NTRK3: variants seen among roughly 807,000 people sequenced by gnomAD.
The protein encoded by NTRK3 is neurotrophic receptor tyrosine kinase 3.
NTRK3 carries 24 observed loss-of-function variants against 91.7 expected under a neutral mutation model. That is an observed-to-expected ratio of 0.26 (90% confidence interval 0.19 to 0.37). The LOEUF (loss-of-function observed/expected upper bound fraction) is 0.37, where lower values mean the gene tolerates loss of function less well. Among genes scored for constraint, NTRK3 ranks in the 10% least tolerant of loss-of-function variants. The pLI is 1.00. For missense variants in NTRK3, 880 were observed against 1,068.9 expected (o/e 0.82, Z 2.46); for synonymous variants, 483 against 404.0 (o/e 1.20, Z -2.34).
chr15:88,019,680 A>T (rs939862239), intron 14 of NTRK3, among the ~76,000 whole-genome samples: 3 of 152,220 alleles, frequency 2.0e-5, no homozygotes, highest in Non-Finnish European at 4.4e-5. Flanking sequence ...TGATGCCTGG[A>T]TCTGCTGCAA....
chr15:88,146,950 TATG>T (rs2042941866), intron 6 of NTRK3, among the ~76,000 whole-genome samples: 1 of 152,170 alleles, frequency 6.6e-6, no homozygotes, highest in South Asian at 2.1e-4. Context: ...TTATGACTCT[TATG>T]ATGATAAATC....
chr15:88,101,356 G>A (rs535686991), intron 13 of NTRK3, among the ~76,000 whole-genome samples: 2 of 152,328 alleles, frequency 1.3e-5, no homozygotes, highest in East Asian at 3.9e-4. Context: ...TCATTAAAAA[G>A]TCAGGAAACA....
chr15:88,195,413 A>G (rs1255027798), intron 3 of NTRK3, among the ~76,000 whole-genome samples: 1 of 152,236 alleles, frequency 6.6e-6, no homozygotes, highest in African/African-American at 2.4e-5. Context: ...TAAATAAACA[A>G]ATTAATAAAT....
At chr15:88,013,317 A>G (rs2077013032) in intron 14 of NTRK3, among the ~76,000 whole-genome samples, 1 of 152,240 alleles carries the variant, frequency 6.6e-6, no homozygotes, top group African/African-American at 2.4e-5. Context: ...GAACTGTGGA[A>G]AAAAGGAACA....
intron 13 of NTRK3, among the ~76,000 whole-genome samples, chr15:88,116,438 T>TAAA (rs869068486): frequency 8.2e-6 from 1 of 121,450 alleles, no homozygotes; most frequent in African/African-American, 2.9e-5. Flanking sequence ...TACAAAAATT[T>TAAA]AAAAAAAAAA....
At chr15:87,960,990 C>A (rs552592062) in intron 14 of NTRK3, among the ~76,000 whole-genome samples, 1 of 152,300 alleles carries the variant, frequency 6.6e-6, no homozygotes, top group South Asian at 2.1e-4. Context: ...TCACAGTGAT[C>A]TCTGATGCCC....
intron 14 of NTRK3, among the ~76,000 whole-genome samples, chr15:88,010,296 T>G (rs971875715): frequency 5.3e-5 from 8 of 152,192 alleles, no homozygotes; most frequent in Admixed American, 5.2e-4. Context: ...TGCTTTTCTT[T>G]TCTTTCTCTA....
intron 6 of NTRK3, among the ~76,000 whole-genome samples, chr15:88,138,292 C>T (rs1347661906): frequency 6.6e-6 from 1 of 151,948 alleles, no homozygotes; most frequent in Non-Finnish European, 1.5e-5. Context: ...CACCTGCAGT[C>T]CCAGCTACTC....
intron 14 of NTRK3, among the ~76,000 whole-genome samples, chr15:88,019,433 G>A (rs1365349538): frequency 6.6e-6 from 1 of 152,226 alleles, no homozygotes; most frequent in Non-Finnish European, 1.5e-5. Context: ...GCAACCATAT[G>A]CCTCAGGGAA....
At chr15:87,895,009 T>G (rs1233752361) in intron 17 of NTRK3, among the ~76,000 whole-genome samples, 1 of 152,074 alleles carries the variant, frequency 6.6e-6, no homozygotes, top group Non-Finnish European at 1.5e-5. Context: ...TTTGTGGGGG[T>G]GGGGAGCAGC....
At chr15:87,884,956 A>C (rs1194826714) in intron 17 of NTRK3, among the ~76,000 whole-genome samples, 2 of 151,912 alleles carry the variant, frequency 1.3e-5, no homozygotes, top group African/African-American at 4.8e-5. Flanking sequence ...TTTTTAAATG[A>C]GGTAGAAATA....
At chr15:88,102,286 T>C (rs1041401531) in intron 13 of NTRK3, among the ~76,000 whole-genome samples, 3 of 152,198 alleles carry the variant, frequency 2.0e-5, no homozygotes, top group Admixed American at 6.5e-5. Flanking sequence ...AATTGCTAGA[T>C]TTGAATTAAG....
At chr15:87,957,975 G>A (rs574380852) in intron 14 of NTRK3, among the ~76,000 whole-genome samples, 1 of 152,302 alleles carries the variant, frequency 6.6e-6, no homozygotes, top group South Asian at 2.1e-4. Flanking sequence ...GAACAAAAGG[G>A]AGCCTATAAG....
At chr15:87,900,912 A>G (rs912626634) in intron 17 of NTRK3, among the ~76,000 whole-genome samples, 4 of 152,152 alleles carry the variant, frequency 2.6e-5, no homozygotes, top group African/African-American at 4.8e-5. Context: ...AAAGGGGATG[A>G]TTTGGTCAAG....
At chr15:88,075,122 A>C (rs890432228) in intron 13 of NTRK3, among the ~76,000 whole-genome samples, 1 of 152,154 alleles carries the variant, frequency 6.6e-6, no homozygotes, top group African/African-American at 2.4e-5. Flanking sequence ...TGGAACCTAC[A>C]TGTAAACTGT....
intron 17 of NTRK3, among the ~76,000 whole-genome samples, chr15:87,894,493 G>T (rs2066010427): frequency 6.6e-6 from 1 of 152,188 alleles, no homozygotes; most frequent in Non-Finnish European, 1.5e-5. Context: ...TGTCGGTCCT[G>T]CCCTGATCAT....
intron 14 of NTRK3, among the ~76,000 whole-genome samples, chr15:88,000,948 A>G (rs2076056660): frequency 1.3e-5 from 2 of 152,202 alleles, no homozygotes; most frequent in Admixed American, 6.6e-5. Flanking sequence ...AAGCAGCTGC[A>G]TCATTTTATA....
At chr15:88,160,588 T>G (rs2044358209) in intron 5 of NTRK3, among the ~76,000 whole-genome samples, 1 of 152,170 alleles carries the variant, frequency 6.6e-6, no homozygotes, top group Non-Finnish European at 1.5e-5. Context: ...CTGCCCCACT[T>G]CTAGCAGGGT....
intron 13 of NTRK3, among the ~76,000 whole-genome samples, chr15:88,035,406 T>C (rs553553671): frequency 6.6e-6 from 1 of 152,206 alleles, no homozygotes; most frequent in Non-Finnish European, 1.5e-5. Context: ...CCCTTCTTCC[T>C]GCAACCCTGC....
Sources: allele counts gnomAD v4.1 joint callset (sites outside exome capture counted in the v4.1 genomes callset), GRCh38; gene constraint gnomAD v4.1.1; transcripts MANE v1.5; gene names NCBI Gene and HGNC (gene_info 2026-07-23, HGNC 2026-07-21).